Variants in CASP5 observed in about 807,000 individuals in gnomAD.
CASP5 encodes caspase-5.
Under a neutral mutation model 45.2 loss-of-function variants are expected in CASP5, and 42 were observed. The observed-to-expected ratio is 0.93, with a 90% CI of 0.73 to 1.20. The LOEUF is 1.20. Ranked by LOEUF, CASP5 falls within the 50% of genes most tolerant of loss-of-function variation. The probability of loss-of-function intolerance (pLI) is 0.00; values close to 1 mark genes in which losing one functional copy is unlikely to be tolerated. For missense variants in CASP5, 512 were observed against 532.2 expected (o/e 0.96, Z 0.37); for synonymous variants, 209 against 186.2 (o/e 1.12, Z -1.00).
intron 5 of CASP5, 118 bp from the exon 6 acceptor site, chr11:105,000,613 T>C: frequency 1.1e-6 from 1 of 875,180 alleles, no homozygotes; most frequent in Admixed American, 2.5e-5. Context: ...GTGCTTCACA[T>C]AGCGCTTACT....
At chr11:105,014,698 T>C (rs572819175) in intron 1 of CASP5, among the ~76,000 whole-genome samples, 1 of 152,302 alleles carries the variant, frequency 6.6e-6, no homozygotes, top group Non-Finnish European at 1.5e-5. Flanking sequence ...GAAAATTTGG[T>C]GAGCAAAAGT....
chr11:104,999,073 TCC>T lies in CASP5; in HGVS notation c.953-47_953-46del, dbSNP rs377448726. 477 of 1,528,078 alleles carry T rather than the reference TCC, an allele frequency of 3.1e-4. 1 individual carries two copies. In the African/African-American group the frequency reaches 5.6e-3, roughly 18 times the overall value. The allele number at this position is 1,528,078 out of a possible 1,614,324, so 94.7% of individuals were successfully genotyped here. On this transcript the variant is annotated intron_variant, in intron 6 of 9. Transcript: ENST00000260315. ...CTTTTTTTTTTATGTTACTTTAAGT[TCC>T]AGAATAGAAATGCAGAACGTGTAGG...
intron 5 of CASP5, among the ~76,000 whole-genome samples, chr11:105,001,454 C>T (rs1861719099): frequency 6.6e-6 from 1 of 152,142 alleles, no homozygotes; most frequent in South Asian, 2.1e-4. Context: ...ATCACGAGGT[C>T]AGGAGATCGA....
At chr11:105,002,345 A>C in intron 4 of CASP5, 144 bp from the exon 5 acceptor site, 1 of 645,570 alleles carries the variant, frequency 1.5e-6, no homozygotes, top group Non-Finnish European at 2.7e-6. Flanking sequence ...CCTCTCTCTC[A>C]AGAGCCCAGA....
intron 2 of CASP5, among the ~76,000 whole-genome samples, chr11:105,008,563 C>G (rs913066593): frequency 6.6e-6 from 1 of 151,980 alleles, no homozygotes; most frequent in Admixed American, 6.6e-5. Flanking sequence ...TACTACAAGC[C>G]TCTACTATTA....
chr11:105,013,587 G>C (rs1862453375), intron 1 of CASP5, among the ~76,000 whole-genome samples: 1 of 151,948 alleles, frequency 6.6e-6, no homozygotes, highest in Non-Finnish European at 1.5e-5. Context: ...TTTGGCTTGA[G>C]AGCCTCTTTT....
rs45504692 is a variant in CASP5, at chr11:104,998,855, A to C, written c.1096+30T>G. 72,062 of 1,604,064 alleles carry C rather than the reference A, an allele frequency of 0.045. 2,059 individuals are homozygous for C. Among genetic ancestry groups the C allele is most frequent in the South Asian group, 0.11 (9,712 of 89,162 alleles). ...TTCAAAGGTGGCCTCAGCACCCCCAAATTTTTGACTGTTACTAAAAGACAC... is the reference window on the plus strand; with the variant it reads ...TTCAAAGGTGGCCTCAGCACCCCCACATTTTTGACTGTTACTAAAAGACAC... On this transcript the variant is annotated intron_variant, in intron 7 of 9. Transcript: ENST00000260315.
At chr11:105,009,802 T>TAC (rs1565388308) in intron 1 of CASP5, among the ~76,000 whole-genome samples, 7 of 114,516 alleles carry the variant, frequency 6.1e-5, no homozygotes, top group Non-Finnish European at 1.2e-4. Flanking sequence ...CGTATATATA[T>TAC]ATATACACAC....
At chr11:104,997,266 G>A in intron 8 of CASP5, 117 bp downstream of exon 8, 1 of 710,228 alleles carries the variant, frequency 1.4e-6, no homozygotes, top group Non-Finnish European at 2.5e-6. Context: ...CAGAAATCAG[G>A]TGCCATACTA....
rs375472339 is a variant in CASP5, at chr11:105,020,059, G to A, written c.7+3071C>T. Among the ~76,000 whole-genome samples the A allele has an allele frequency of 1.5e-3, 218 of 144,308 alleles. 14 individuals carry two copies. The highest frequency in any genetic ancestry group is 4.5e-3 in the African/African-American group (178 of 39,946). The allele number at this position is 144,308 out of a possible 152,430, so 94.7% of individuals were successfully genotyped here. On this transcript the variant is annotated intron_variant, in intron 1 of 9. Coordinates refer to ENST00000260315, the MANE Select transcript of CASP5 (RefSeq NM_004347.5). ...AAACAGAACCAAAGACAAAAACCAC[G>A]TGATTATCTCAATAGATGCAGAAAA... is the stretch of plus-strand genomic sequence containing the variant.
At chr11:105,009,714 T>TACACACACACAC (rs367820511) in intron 1 of CASP5, among the ~76,000 whole-genome samples, 13 of 71,466 alleles carry the variant, frequency 1.8e-4, no homozygotes, top group Non-Finnish European at 3.5e-4. Flanking sequence ...GATATATATA[T>TACACACACACAC]ACACACATAT....
intron 4 of CASP5, among the ~76,000 whole-genome samples, chr11:105,002,956 G>A (rs559693175): frequency 5.3e-5 from 8 of 152,160 alleles, no homozygotes; most frequent in African/African-American, 1.9e-4. Flanking sequence ...CCAGTGCTTT[G>A]GGAGGCCAAG....
rs372551754 is a variant in CASP5, at chr11:105,002,082, C to G, written c.663G>C (p.Arg221Ser). Reference sequence around the variant, plus strand: ...CAGTGTAGCCCAGGCCTTGAAGCAGCCTTTTCATCCCCACGATGTCATAGT... The same window carrying G: ...CAGTGTAGCCCAGGCCTTGAAGCAGGCTTTTCATCCCCACGATGTCATAGT... ...GAHYDIVGMK[R>S]LLQGLGYTVV... The change falls in exon 5 of 10, where the codon AGG becomes AGC. Residue 221 changes from arginine to serine, a missense_variant. Arg to Ser is a moderately radical substitution (Grantham distance 110). Transcript: ENST00000260315. 1.2e-5 allele frequency: 20 copies of G among 1,614,024 alleles called. No homozygotes were observed. The highest frequency in any genetic ancestry group is 7.7e-5 in the South Asian group (7 of 91,080).
chr11:105,009,911 A>G (rs978313861), intron 1 of CASP5, among the ~76,000 whole-genome samples: 1 of 125,108 alleles, frequency 8.0e-6, no homozygotes, highest in South Asian at 2.4e-4. Context: ...ATATATACAC[A>G]TATATATATA....
intron 1 of CASP5, among the ~76,000 whole-genome samples, chr11:105,017,610 A>C (rs1227314916): frequency 6.6e-6 from 1 of 152,162 alleles, no homozygotes; most frequent in Non-Finnish European, 1.5e-5. Context: ...TAGAGAAAAA[A>C]GAATAAAAAG....
At chr11:105,009,763 ACACACACG>A in intron 1 of CASP5, among the ~76,000 whole-genome samples, 2 of 78,894 alleles carry the variant, frequency 2.5e-5, no homozygotes, top group African/African-American at 9.6e-5. Flanking sequence ...ATATATACAC[ACACACACG>A]TATATATATA....
At chr11:105,011,873 T>C (rs1198183344) in intron 1 of CASP5, among the ~76,000 whole-genome samples, 1 of 151,712 alleles carries the variant, frequency 6.6e-6, no homozygotes, top group Non-Finnish European at 1.5e-5. Flanking sequence ...ACCCAAGAAA[T>C]CTATGAATTC....
intron 1 of CASP5, among the ~76,000 whole-genome samples, chr11:105,013,372 G>T (rs1862443845): frequency 2.7e-5 from 4 of 149,916 alleles, no homozygotes; most frequent in African/African-American, 9.7e-5. Context: ...AGTCAATGAT[G>T]AATTCTTGAA....
chr11:105,009,766 C>T (rs1441971365), intron 1 of CASP5, among the ~76,000 whole-genome samples: 3 of 78,650 alleles, frequency 3.8e-5, no homozygotes, highest in African/African-American at 1.4e-4. Context: ...TATACACACA[C>T]ACACGTATAT....
Sources: allele counts gnomAD v4.1 joint callset (sites outside exome capture counted in the v4.1 genomes callset), GRCh38; gene constraint gnomAD v4.1.1; transcripts MANE v1.5; gene names NCBI Gene and HGNC (gene_info 2026-07-23, HGNC 2026-07-21).